TENT4B: variants seen among roughly 807,000 people sequenced by gnomAD.
TENT4B encodes terminal nucleotidyltransferase 4B, also known as PAP associated domain containing 5.
TENT4B carries 10 observed loss-of-function variants against 75.0 expected under a neutral mutation model. The ratio of observed to expected loss-of-function variants is 0.13; its 90% CI spans 0.08 to 0.23. The LOEUF (loss-of-function observed/expected upper bound fraction) is 0.23. Ranked by LOEUF, TENT4B falls within the 10% of genes least tolerant of loss-of-function variation. The pLI, the probability that TENT4B is intolerant of heterozygous loss-of-function variation, is 1.00. For synonymous variants in TENT4B, 350 were observed against 357.7 expected (o/e 0.98, Z 0.24); for missense variants, 579 against 893.8 (o/e 0.65, Z 4.49).
At position 50,230,889 on chromosome 16, in the gene TENT4B, G is replaced by A. The variant is rs2032272137; in HGVS notation, c.*1561G>A. 1.0e-6 allele frequency: 1 copy of A among 985,230 alleles called. No homozygotes were observed. The highest frequency in any genetic ancestry group is 1.7e-5 in the African/African-American group (1 of 57,198). The allele number at this position is 985,230 out of a possible 1,614,324, so 61.0% of individuals were successfully genotyped here. ...ATCAATGTGTATGGCTCTGTTAAAT[G>A]CAGCCATTTCTGAGACGAGATTCTT... On this transcript the variant is annotated 3_prime_UTR_variant, in exon 12 of 12. Coordinates refer to ENST00000561678, the MANE Select transcript of TENT4B (RefSeq NM_001365324.3).
At chr16:50,214,388 G>T in intron 3 of TENT4B, 121 bp downstream of exon 3, 1 of 721,978 alleles carries the variant, frequency 1.4e-6, no homozygotes. Context: ...GGGCATGGTG[G>T]CTCATGCCTG....
rs1443819271 is a variant in TENT4B at position 50,214,117 on chromosome 16, C to T, written c.763-104C>T. 3 of 829,002 alleles carry T rather than the reference C, an allele frequency of 3.6e-6. No homozygotes were observed. The African/African-American group carries it at 5.2e-5, about 14-fold the overall frequency. The allele number at this position is 829,002 out of a possible 1,614,324, so 51.4% of individuals were successfully genotyped here. On this transcript the variant is annotated intron_variant, in intron 2 of 11. Transcript: ENST00000561678. ...ATGCTCTTGTCATACCAAAAAGTACCAGTAGAGGGTAGCAAAAACTGACAT... is the reference window on the plus strand; with the variant it reads ...ATGCTCTTGTCATACCAAAAAGTACTAGTAGAGGGTAGCAAAAACTGACAT...
chr16:50,216,242 T>C lies in TENT4B; in HGVS notation c.930+47T>C, dbSNP rs755714228. ...ATTAAAATCCTTAGTTATTTACCTA[T>C]GAAACTTGAATTAAAATTAAAGTTT... On this transcript the variant is annotated intron_variant, in intron 4 of 11. Transcript: ENST00000561678. The C allele has an allele frequency of 6.9e-6, 11 of 1,602,930 alleles. No homozygotes were observed. The Admixed American group carries it at 1.9e-4, about 27-fold the overall frequency.
In TENT4B at chr16:50,229,833, AT is replaced by A. The variant is rs2032218517; in HGVS notation, c.*506del. On this transcript the variant is annotated 3_prime_UTR_variant, in exon 12 of 12. Transcript: ENST00000561678. ...ATTTACCATTTTATTGTGTGTATAT[AT>A]AGAAGACCATATAGGAGATTGATAT... is the stretch of plus-strand genomic sequence containing the variant. 2.2e-6 allele frequency: 2 copies of A among 914,128 alleles called. No homozygotes were observed. The highest frequency in any genetic ancestry group is 1.0e-4 in the South Asian group (2 of 19,790). 56.6% of individuals were successfully genotyped at this position (914,128 alleles called of 1,614,324 possible). A position where few individuals can be genotyped will look rare whatever the true frequency, so the allele number is the denominator to read the frequency against.
intron 1 of TENT4B, among the ~76,000 whole-genome samples, chr16:50,193,360 C>T (rs1314885285): frequency 1.8e-5 from 2 of 109,488 alleles, no homozygotes; most frequent in Non-Finnish European, 3.5e-5. Context: ...TTTTGTGAGA[C>T]GGAGTTTTGC....
intron 7 of TENT4B, 57 bp downstream of exon 7, chr16:50,223,444 T>C: frequency 8.9e-7 from 1 of 1,124,596 alleles, no homozygotes; most frequent in Non-Finnish European, 1.3e-6. Context: ...TCAGTCACCT[T>C]ATTATACTTT....
chr16:50,201,488 G>C (rs1326011145), intron 1 of TENT4B, among the ~76,000 whole-genome samples: 1 of 150,840 alleles, frequency 6.6e-6, no homozygotes, highest in Non-Finnish European at 1.5e-5. Context: ...AGTGAGCCGA[G>C]ATCGCGCCAC....
In TENT4B at chr16:50,215,845, C is replaced by G. The variant is rs113119121; in HGVS notation, c.810-230C>G. On this transcript the variant is annotated intron_variant, in intron 3 of 11. Coordinates refer to ENST00000561678, the MANE Select transcript of TENT4B (RefSeq NM_001365324.3). ...AGGTTTTACTTCTTTCAAAATCACCCTATTTCCTGAGGCCTGAATTCTGTG... is the reference window on the plus strand; with the variant it reads ...AGGTTTTACTTCTTTCAAAATCACCGTATTTCCTGAGGCCTGAATTCTGTG... Among the ~76,000 whole-genome samples the G allele has an allele frequency of 1.8e-3, 277 of 152,206 alleles. 1 individual carries two copies. Among genetic ancestry groups the G allele is most frequent in the African/African-American group, 5.9e-3 (246 of 41,530 alleles).
At position 50,153,505 on chromosome 16, in the gene TENT4B, G is replaced by GCAA; in HGVS notation, c.-115_-114insACA. The GCAA allele has an allele frequency of 4.0e-6, 1 of 252,378 alleles. No homozygotes were observed. Among genetic ancestry groups the GCAA allele is most frequent in the Non-Finnish European group, 6.1e-6 (1 of 163,130 alleles). The allele number at this position is 252,378 out of a possible 1,614,324, so 15.6% of individuals were successfully genotyped here. On this transcript the variant is annotated 5_prime_UTR_variant, in exon 1 of 12. Coordinates refer to ENST00000561678, the MANE Select transcript of TENT4B (RefSeq NM_001365324.3). ...CGGGCCCCGAGCAGCAGCAGCAGCA[G>GCAA]CAGCGGCAGCAGCGGCAGCAGCAGC...
At chr16:50,206,372 T>C (rs1224204312) in intron 1 of TENT4B, among the ~76,000 whole-genome samples, 1 of 151,244 alleles carries the variant, frequency 6.6e-6, no homozygotes, top group African/African-American at 2.4e-5. Context: ...TTTTTTTTTT[T>C]TTTTGGTGGG....
intron 1 of TENT4B, among the ~76,000 whole-genome samples, chr16:50,200,510 T>TGA (rs1451827566): frequency 6.6e-6 from 1 of 152,194 alleles, no homozygotes; most frequent in Non-Finnish European, 1.5e-5. Context: ...CAGCAATGAA[T>TGA]GAGAGTCTGT....
At chr16:50,153,245 A>G (rs940611349), upstream of TENT4B, among the ~76,000 whole-genome samples, 1 of 132,492 alleles carries the variant, frequency 7.5e-6, no homozygotes, top group Non-Finnish European at 1.6e-5. Flanking sequence ...GGGCCGGAGG[A>G]GCGAGGACGC....
rs528807397 is a variant in TENT4B, at chr16:50,221,263, T to C, written c.1039-1043T>C. Among the ~76,000 whole-genome samples the C allele has an allele frequency of 4.9e-4, 74 of 152,236 alleles. 2 individuals are homozygous for C. The highest frequency in any genetic ancestry group is 1.4e-3 in the Admixed American group (21 of 15,290). ...AGAATGAGGGGGAAAAAAATGGAAA[T>C]CACTAGTAATTTTACCACCCTAAGT... On this transcript the variant is annotated intron_variant, in intron 5 of 11. Coordinates refer to ENST00000561678, the MANE Select transcript of TENT4B (RefSeq NM_001365324.3).
Position 50,231,486 on chromosome 16 carries a change from T to A in TENT4B, c.*2158T>A. 5 of 985,826 alleles carry A rather than the reference T, an allele frequency of 5.1e-6. No homozygotes were observed. The highest frequency in any genetic ancestry group is 6.0e-6 in the Non-Finnish European group (5 of 829,896). The allele number at this position is 985,826 out of a possible 1,614,324, so 61.1% of individuals were successfully genotyped here. ...TTGTTTTTTGTTTGTTTTTAAAGAATCACCCTCATTGTTGAAAGTAAATGT... is the reference window on the plus strand; with the variant it reads ...TTGTTTTTTGTTTGTTTTTAAAGAAACACCCTCATTGTTGAAAGTAAATGT... On this transcript the variant is annotated 3_prime_UTR_variant, in exon 12 of 12. Coordinates refer to ENST00000561678, the MANE Select transcript of TENT4B (RefSeq NM_001365324.3).
intron 10 of TENT4B, among the ~76,000 whole-genome samples, chr16:50,227,467 A>G (rs762242482): frequency 4.6e-5 from 7 of 151,964 alleles, no homozygotes; most frequent in Non-Finnish European, 7.4e-5. Context: ...ACTCTCAGAG[A>G]TTGAACCCCT....
intron 1 of TENT4B, among the ~76,000 whole-genome samples, chr16:50,156,178 A>T (rs2037895786): frequency 6.6e-6 from 1 of 152,060 alleles, no homozygotes; most frequent in South Asian, 2.1e-4. Flanking sequence ...CAGATTTTCC[A>T]TTCTTTTGCC....
At chr16:50,183,225 G>GT (rs2038457076) in intron 1 of TENT4B, among the ~76,000 whole-genome samples, 1 of 151,756 alleles carries the variant, frequency 6.6e-6, no homozygotes, top group African/African-American at 2.4e-5. Flanking sequence ...TCTATTTTTA[G>GT]TAGAGACGGG....
rs532026049 is a variant in TENT4B at position 50,202,957 on chromosome 16, G to A, written c.639-8366G>A. Among the ~76,000 whole-genome samples, 11 of 152,298 alleles carry A rather than the reference G, an allele frequency of 7.2e-5. No homozygotes were observed. In the South Asian group the frequency reaches 1.9e-3, roughly 26 times the overall value. ...CAGAAATTGAGTGCAACTGGCAGTG[G>A]CATTTAAAAGGAATGCTCTAATTTC... On this transcript the variant is annotated intron_variant, in intron 1 of 11. Transcript: ENST00000561678.
intron 1 of TENT4B, among the ~76,000 whole-genome samples, chr16:50,203,064 C>T (rs1315552474): frequency 6.6e-6 from 1 of 152,130 alleles, no homozygotes; most frequent in East Asian, 1.9e-4. Context: ...GTATCCATTC[C>T]CTGTACTTTT....
Sources: allele counts gnomAD v4.1 joint callset (sites outside exome capture counted in the v4.1 genomes callset), GRCh38; gene constraint gnomAD v4.1.1; transcripts MANE v1.5; gene names NCBI Gene and HGNC (gene_info 2026-07-23, HGNC 2026-07-21).